Variants in LINGO2 observed in about 807,000 individuals in gnomAD.
The protein encoded by LINGO2 is leucine rich repeat and Ig domain containing 2.
LINGO2 carries 14 observed loss-of-function variants against 30.6 expected under a neutral mutation model. The observed-to-expected ratio is 0.46, with a 90% confidence interval of 0.30 to 0.72. The LOEUF (loss-of-function observed/expected upper bound fraction) is 0.72. LINGO2 is among the 30% of genes least tolerant of loss of function. The pLI, the probability that LINGO2 is intolerant of heterozygous loss-of-function variation, is 0.07. For missense variants in LINGO2, 729 were observed against 751.7 expected (o/e 0.97, Z 0.35); for synonymous variants, 317 against 288.5 (o/e 1.10, Z -1.00).
At chr9:29,205,308 G>A in the LINGO2 span, among the ~76,000 whole-genome samples, 3 of 152,010 alleles carry the variant, frequency 2.0e-5, no homozygotes. Context: ...CAAAGTGCTG[G>A]GATTATAGGT....
chr9:29,045,080 A>C, the LINGO2 span, among the ~76,000 whole-genome samples: 58 of 152,260 alleles, frequency 3.8e-4, no homozygotes, highest in African/African-American at 1.3e-3. Flanking sequence ...TTGGATAACC[A>C]AGATGGCAAC....
At chr9:28,926,357 A>C in the LINGO2 span, among the ~76,000 whole-genome samples, 2 of 152,110 alleles carry the variant, frequency 1.3e-5, no homozygotes, top group Non-Finnish European at 2.9e-5. Context: ...CGCTTCATAG[A>C]TCAGAATAAC....
intron 1 of LINGO2, among the ~76,000 whole-genome samples, chr9:28,601,021 A>G (rs1445771909): frequency 2.0e-5 from 3 of 152,136 alleles, no homozygotes; most frequent in African/African-American, 4.8e-5. Context: ...TTTTCTCTGT[A>G]AACAGATCCC....
chr9:28,404,128 T>G (rs1822391253), intron 2 of LINGO2, among the ~76,000 whole-genome samples: 1 of 152,174 alleles, frequency 6.6e-6, no homozygotes, highest in Admixed American at 6.6e-5. Context: ...ACATTCATAA[T>G]TTTTGCCCCA....
intron 4 of LINGO2, among the ~76,000 whole-genome samples, chr9:28,050,203 G>A (rs1299520041): frequency 1.3e-5 from 2 of 149,744 alleles, no homozygotes; most frequent in African/African-American, 2.5e-5. Flanking sequence ...ATTGAGGGAA[G>A]GCAATGAGTT....
At chr9:27,987,267 A>C (rs1209393344) in intron 5 of LINGO2, among the ~76,000 whole-genome samples, 1 of 151,754 alleles carries the variant, frequency 6.6e-6, no homozygotes, top group Non-Finnish European at 1.5e-5. Context: ...GTCTGTAGTC[A>C]GGATATTTCC....
At chr9:28,898,280 A>C in the LINGO2 span, among the ~76,000 whole-genome samples, 1 of 152,234 alleles carries the variant, frequency 6.6e-6, no homozygotes, top group Non-Finnish European at 1.5e-5. Flanking sequence ...AACTTTCTGT[A>C]GCAGTTATCA....
At chr9:29,098,468 T>TGC in the LINGO2 span, among the ~76,000 whole-genome samples, 4 of 146,348 alleles carry the variant, frequency 2.7e-5, no homozygotes, top group East Asian at 2.2e-4. Flanking sequence ...CACACACATA[T>TGC]GCGCACACAC....
chr9:28,335,699 C>T (rs751124055), intron 3 of LINGO2, among the ~76,000 whole-genome samples: 1 of 152,030 alleles, frequency 6.6e-6, no homozygotes, highest in Non-Finnish European at 1.5e-5. Flanking sequence ...AGTAGTAAAA[C>T]AAAACAATAA....
the LINGO2 span, among the ~76,000 whole-genome samples, chr9:29,207,065 G>A: frequency 6.6e-6 from 1 of 151,472 alleles, no homozygotes; most frequent in East Asian, 1.9e-4. Context: ...ATATACATAT[G>A]TACATACATA....
At chr9:28,934,804 C>T in the LINGO2 span, among the ~76,000 whole-genome samples, 1 of 152,110 alleles carries the variant, frequency 6.6e-6, no homozygotes, top group Non-Finnish European at 1.5e-5. Context: ...GCTTCAATTT[C>T]CTCAATTTTG....
chr9:28,160,754 A>G (rs1056601353), intron 4 of LINGO2, among the ~76,000 whole-genome samples: 7 of 152,238 alleles, frequency 4.6e-5, no homozygotes, highest in Non-Finnish European at 1.5e-5. Context: ...TGGTAACAGC[A>G]GACAATAAAT....
the LINGO2 span, among the ~76,000 whole-genome samples, chr9:28,769,471 T>C: frequency 1.3e-3 from 1 of 762 alleles, no homozygotes; most frequent in African/African-American, 3.4e-3. Flanking sequence ...GCTATATATA[T>C]ATATATATAT....
chr9:29,149,179 C>T, the LINGO2 span, among the ~76,000 whole-genome samples: 1 of 152,224 alleles, frequency 6.6e-6, no homozygotes, highest in South Asian at 2.1e-4. Context: ...AATTCTGACC[C>T]ATAAGAAAAA....
chr9:28,306,372 G>C (rs1324725776), intron 3 of LINGO2, among the ~76,000 whole-genome samples: 1 of 152,188 alleles, frequency 6.6e-6, no homozygotes, highest in East Asian at 1.9e-4. Flanking sequence ...GATGTTCTTT[G>C]AAACCTACGA....
At chr9:28,999,491 C>T in the LINGO2 span, among the ~76,000 whole-genome samples, 1 of 151,872 alleles carries the variant, frequency 6.6e-6, no homozygotes, top group Non-Finnish European at 1.5e-5. Context: ...AATAGGAGTT[C>T]AATAAATATT....
chr9:28,653,819 C>A (rs933907568), intron 1 of LINGO2, among the ~76,000 whole-genome samples: 2 of 151,974 alleles, frequency 1.3e-5, no homozygotes, highest in Admixed American at 1.3e-4. Flanking sequence ...ACATGACACA[C>A]CCATTTGTTA....
intron 1 of LINGO2, among the ~76,000 whole-genome samples, chr9:28,631,063 T>A (rs1826914320): frequency 6.6e-6 from 1 of 151,964 alleles, no homozygotes; most frequent in Admixed American, 6.6e-5. Flanking sequence ...AATCTATAAT[T>A]ATTTAAATAT....
At chr9:27,984,753 A>T (rs947928414) in intron 5 of LINGO2, among the ~76,000 whole-genome samples, 1 of 151,836 alleles carries the variant, frequency 6.6e-6, no homozygotes, top group Non-Finnish European at 1.5e-5. Flanking sequence ...TTTTACTGAG[A>T]TCATGTGATA....
Sources: gnomAD v4.1 joint callset for allele counts (sites outside exome capture counted in the v4.1 genomes callset) on GRCh38, gnomAD v4.1.1 for gene constraint, MANE v1.5 for transcripts, NCBI Gene and HGNC (gene_info 2026-07-23, HGNC 2026-07-21) for gene names.